The following CPNE8 variants were observed in gnomAD, a reference collection of about 807,000 sequenced individuals.
The protein encoded by CPNE8 is copine 8.
Under a neutral mutation model 81.5 loss-of-function variants are expected in CPNE8, and 45 were observed. That is an observed-to-expected ratio of 0.55 (90% CI 0.44 to 0.71). The LOEUF is 0.71. Ranked by LOEUF, CPNE8 falls within the 30% of genes least tolerant of loss-of-function variation. The pLI is 0.00. For synonymous variants in CPNE8, 252 were observed against 226.3 expected (o/e 1.11, Z -1.02); for missense variants, 594 against 672.1 (o/e 0.88, Z 1.28).
intron 1 of CPNE8, among the ~76,000 whole-genome samples, chr12:38,890,282 C>T (rs1236461115): frequency 6.6e-6 from 1 of 152,104 alleles, no homozygotes; most frequent in African/African-American, 2.4e-5. Flanking sequence ...ATCAACTGAG[C>T]ACTTAGATAC....
chr12:38,765,679 C>T (rs186950648), intron 8 of CPNE8, among the ~76,000 whole-genome samples: 67 of 152,268 alleles, frequency 4.4e-4, no homozygotes, highest in African/African-American at 1.5e-3. Flanking sequence ...TGTGCGTACA[C>T]ATACATAAAA....
intron 10 of CPNE8, among the ~76,000 whole-genome samples, chr12:38,758,114 T>C (rs1463432057): frequency 6.6e-6 from 1 of 151,608 alleles, no homozygotes; most frequent in East Asian, 1.9e-4. Flanking sequence ...AAAATATTTT[T>C]CCTATCTAAT....
At chr12:38,825,373 T>A (rs1042074550) in intron 6 of CPNE8, among the ~76,000 whole-genome samples, 1 of 152,098 alleles carries the variant, frequency 6.6e-6, no homozygotes, top group Non-Finnish European at 1.5e-5. Context: ...GAAAAAAAGT[T>A]AAAAAGTAAA....
chr12:38,852,215 G>T (rs774404237), intron 3 of CPNE8, among the ~76,000 whole-genome samples: 5 of 152,056 alleles, frequency 3.3e-5, no homozygotes, highest in Non-Finnish European at 5.9e-5. Context: ...ATCACCTGAG[G>T]TTAGGGGTTC....
At chr12:38,876,587 T>C (rs1329037833) in intron 1 of CPNE8, among the ~76,000 whole-genome samples, 4 of 152,212 alleles carry the variant, frequency 2.6e-5, no homozygotes, top group African/African-American at 9.6e-5. Flanking sequence ...TAACACATAA[T>C]GGTAAGATCA....
chr12:38,739,525 A>G (rs1312254445), intron 10 of CPNE8, among the ~76,000 whole-genome samples: 1 of 152,158 alleles, frequency 6.6e-6, no homozygotes, highest in East Asian at 1.9e-4. Flanking sequence ...TGAATATTCT[A>G]TGAAAATGAA....
chr12:38,794,945 C>T (rs1046886448), intron 6 of CPNE8, among the ~76,000 whole-genome samples: 1 of 152,142 alleles, frequency 6.6e-6, no homozygotes, highest in African/African-American at 2.4e-5. Flanking sequence ...TAGAATAAAG[C>T]AGGCAAGAGA....
intron 10 of CPNE8, among the ~76,000 whole-genome samples, chr12:38,736,961 A>G (rs190752198): frequency 1.9e-4 from 29 of 152,204 alleles, no homozygotes; most frequent in African/African-American, 6.3e-4. Context: ...GGATTTTAAA[A>G]TACTTATGTA....
At chr12:38,745,545 G>T (rs1057343784) in intron 10 of CPNE8, among the ~76,000 whole-genome samples, 1 of 152,104 alleles carries the variant, frequency 6.6e-6, no homozygotes, top group African/African-American at 2.4e-5. Flanking sequence ...ACCAAGTGAG[G>T]TTACTAAGTT....
chr12:38,705,709 C>T (rs79231370), intron 13 of CPNE8, among the ~76,000 whole-genome samples: 1,616 of 152,158 alleles, frequency 0.011, 33 homozygotes, highest in African/African-American at 0.036. Context: ...GACTGTGATA[C>T]ATGGCAGTAA....
At chr12:38,832,587 G>A (rs1297078619) in intron 5 of CPNE8, among the ~76,000 whole-genome samples, 1 of 152,102 alleles carries the variant, frequency 6.6e-6, no homozygotes, top group Non-Finnish European at 1.5e-5. Context: ...AGAAGACCTC[G>A]GCCTGTTGCT....
At chr12:38,856,860 C>T (rs939695062) in intron 3 of CPNE8, among the ~76,000 whole-genome samples, 2 of 151,838 alleles carry the variant, frequency 1.3e-5, no homozygotes, top group South Asian at 4.1e-4. Flanking sequence ...ATCACAAAAC[C>T]TTATGTTGTG....
At chr12:38,831,877 C>T (rs537244975) in intron 5 of CPNE8, among the ~76,000 whole-genome samples, 1 of 152,176 alleles carries the variant, frequency 6.6e-6, no homozygotes, top group Non-Finnish European at 1.5e-5. Context: ...CTTATGCGCA[C>T]CTGCAAATAC....
intron 7 of CPNE8, among the ~76,000 whole-genome samples, chr12:38,769,647 C>T (rs1188506017): frequency 2.0e-5 from 3 of 152,060 alleles, no homozygotes; most frequent in Admixed American, 6.5e-5. Context: ...TCCCAAAGCA[C>T]CTGGACCAAA....
chr12:38,776,600 A>C (rs887330168), intron 6 of CPNE8, among the ~76,000 whole-genome samples: 10 of 151,982 alleles, frequency 6.6e-5, no homozygotes, highest in Admixed American at 4.6e-4. Flanking sequence ...ATGAGCTACC[A>C]CACCCGGCCC....
At chr12:38,790,633 T>G (rs899579653) in intron 6 of CPNE8, among the ~76,000 whole-genome samples, 1 of 151,656 alleles carries the variant, frequency 6.6e-6, no homozygotes, top group Admixed American at 6.6e-5. Flanking sequence ...GGATAAATGC[T>G]TGAGGGGATG....
intron 17 of CPNE8, 35 bp downstream of exon 17, chr12:38,677,417 C>A (rs370057182): frequency 2.5e-5 from 28 of 1,118,956 alleles, no homozygotes; most frequent in South Asian, 4.9e-5. Flanking sequence ...CATGTTGTCA[C>A]GTAGCGAGCC....
Position 38,767,712 on chromosome 12 carries a change from C to T in CPNE8, c.498G>A (p.Ala166=), listed in dbSNP as rs61740523. The T allele has an allele frequency of 8.8e-4, 1,371 of 1,552,366 alleles. 10 individuals carry two copies. The African/African-American group carries it at 0.016, about 18-fold the overall frequency. ...AGAAGTCCTTCTTGTCCAATTTGTT[C>T]GCACAAAATTGCATCAAAACGGCAT... is the stretch of plus-strand genomic sequence containing the variant. ...CRDAVLMQFC[A]NKLDKKDFFG... The change falls in exon 8 of 20, where the codon GCG becomes GCA. Residue 166 remains alanine, a synonymous_variant. Transcript: ENST00000331366.
chr12:38,765,855 C>CT lies in CPNE8; in HGVS notation c.575+1779dup, dbSNP rs199754048. ...TAGATTTTATTTAATGAGTGAACAT[C>CT]TTTTTTTATTTTTTTTTTTTAAGAT... is the stretch of plus-strand genomic sequence containing the variant. On this transcript the variant is annotated intron_variant, in intron 8 of 19. Transcript: ENST00000331366. Among the ~76,000 whole-genome samples the CT allele has an allele frequency of 4.9e-3, 748 of 151,364 alleles. 5 individuals carry two copies. The highest frequency in any genetic ancestry group is 0.017 in the African/African-American group (698 of 41,314).
Sources: gnomAD v4.1 joint callset for allele counts (sites outside exome capture counted in the v4.1 genomes callset) on GRCh38, gnomAD v4.1.1 for gene constraint, MANE v1.5 for transcripts, NCBI Gene and HGNC (gene_info 2026-07-23, HGNC 2026-07-21) for gene names.